Variants in TBRG1 observed in about 807,000 individuals in gnomAD.
TBRG1 encodes the protein transforming growth factor beta regulator 1.
In TBRG1, 31 loss-of-function variants were observed where a neutral mutation model predicts 44.0. That is an observed-to-expected ratio of 0.70 (90% CI 0.53 to 0.95). The LOEUF (loss-of-function observed/expected upper bound fraction) is 0.95. Among genes scored for constraint, TBRG1 ranks in the 40% least tolerant of loss-of-function variants. The pLI is 0.00. For synonymous variants in TBRG1, 171 were observed against 188.1 expected, an observed-to-expected ratio of 0.91 and a Z score of 0.74; for missense variants, 487 against 496.1, an observed-to-expected ratio of 0.98 and a Z score of 0.18.
chr11:124,632,015 G>GGA (rs1482253253), intron 8 of TBRG1, 78 bp from the exon 9 acceptor site: 1 of 1,256,286 alleles, frequency 8.0e-7, no homozygotes, highest in African/African-American at 1.5e-5. Context: ...TTGATTGAAA[G>GGA]GACATGTATA....
chr11:124,628,077 A>G (rs1942513750), intron 5 of TBRG1, among the ~76,000 whole-genome samples: 1 of 45,726 alleles, frequency 2.2e-5, no homozygotes, highest in Non-Finnish European at 3.7e-5. Context: ...ATATATATAT[A>G]TATATATATA....
rs944080827 is a variant in TBRG1 at position 124,634,386 on chromosome 11, T to C, written c.*2148T>C. The stretch of plus-strand genomic sequence containing the variant: ...AAACACTGCCTTAGTATACTTAAAC[T>C]ATCTTTTCATCTATCAGATTGTTAA... On this transcript the variant is annotated 3_prime_UTR_variant, in exon 9 of 9. Coordinates refer to ENST00000441174, the MANE Select transcript of TBRG1 (RefSeq NM_032811.3). 6.6e-6 allele frequency: 1 copy of C among 152,176 alleles called. No homozygotes were observed. Among genetic ancestry groups the C allele is most frequent in the African/African-American group, 2.4e-5 (1 of 41,422 alleles). 9.4% of individuals were successfully genotyped at this position (152,176 alleles called of 1,614,324 possible). A position where few individuals can be genotyped will look rare whatever the true frequency, so the allele number is the denominator to read the frequency against.
chr11:124,632,348 C>T lies in TBRG1; in HGVS notation c.*110C>T, dbSNP rs1256255615. 5.6e-6 allele frequency: 5 copies of T among 892,250 alleles called. No individual in the cohort carries two copies. Among genetic ancestry groups the T allele is most frequent in the South Asian group, 3.4e-5 (2 of 58,472 alleles). 55.3% of individuals were successfully genotyped at this position (892,250 alleles called of 1,614,324 possible). On this transcript the variant is annotated 3_prime_UTR_variant, in exon 9 of 9. Transcript: ENST00000441174. Reference sequence around the variant, plus strand: ...AATTCAGAAGTAAAGAAGATACTAACGTATTTCATCATGGAAGGTCCTGTG... The same window carrying T: ...AATTCAGAAGTAAAGAAGATACTAATGTATTTCATCATGGAAGGTCCTGTG...
At chr11:124,628,110 TATATATACACACACACAC>T (rs1175826768) in intron 5 of TBRG1, among the ~76,000 whole-genome samples, 7 of 53,120 alleles carry the variant, frequency 1.3e-4, no homozygotes, top group African/African-American at 4.9e-4. Context: ...TATATATATA[TATATATACACACACACAC>T]ACACACACAC....
Position 124,631,279 on chromosome 11 carries a change from C to T in TBRG1, c.952C>T (p.Gln318Ter). 1.3e-6 allele frequency: 2 copies of T among 1,576,912 alleles called. No homozygotes were observed. Among genetic ancestry groups the T allele is most frequent in the Non-Finnish European group, 1.7e-6 (2 of 1,162,526 alleles). ...CPGARKCINY[Q>*]WVKFDVCKPG... The stretch of plus-strand genomic sequence containing the variant: ...TGATTTCCCTTGATTCTGCAGTTAC[C>T]AGTGGGTGAAATTTGATGTGTGCAA... The change falls in exon 8 of 9, where the codon CAG (glutamine) becomes TAG (stop). Residue 318 changes from glutamine to a stop codon, truncating the protein, a stop_gained. Transcript: ENST00000441174. LOFTEE classifies it high-confidence loss of function.
Position 124,632,815 on chromosome 11 carries a change from C to G in TBRG1, c.*577C>G, listed in dbSNP as rs1464823748. ...CCTAATCACCTCCCAAAGGCCCCAC[C>G]TCCCAATACCATCACATTAGGGGTT... On this transcript the variant is annotated 3_prime_UTR_variant, in exon 9 of 9. Coordinates refer to ENST00000441174, the MANE Select transcript of TBRG1 (RefSeq NM_032811.3). The G allele has an allele frequency of 2.0e-5, 3 of 152,366 alleles. No homozygotes were observed. Among genetic ancestry groups the G allele is most frequent in the African/African-American group, 7.2e-5 (3 of 41,422 alleles). The allele number at this position is 152,366 out of a possible 1,614,324, so 9.4% of individuals were successfully genotyped here.
intron 5 of TBRG1, among the ~76,000 whole-genome samples, chr11:124,629,364 AAAG>A (rs1394519289): frequency 1.3e-5 from 2 of 152,156 alleles, no homozygotes; most frequent in African/African-American, 4.8e-5. Flanking sequence ...AGAAAAAAGA[AAAG>A]AAATTAATTG....
intron 5 of TBRG1, among the ~76,000 whole-genome samples, chr11:124,629,726 A>G: frequency 6.6e-6 from 1 of 152,238 alleles, no homozygotes; most frequent in Non-Finnish European, 1.5e-5. Context: ...TTGAAGAACT[A>G]GAAACTGTTT....
chr11:124,631,520 A>T (rs552110110), intron 8 of TBRG1, 103 bp downstream of exon 8: 2 of 1,260,788 alleles, frequency 1.6e-6, no homozygotes, highest in Admixed American at 3.5e-5. Context: ...GCATTGAGTG[A>T]TAAAAGCTTT....
chr11:124,631,694 GA>G, intron 8 of TBRG1: 1 of 498,468 alleles, frequency 2.0e-6, no homozygotes, highest in Non-Finnish European at 3.6e-6. Context: ...GACTGGAGCA[GA>G]ACACCAGGGG....
In TBRG1 at chr11:124,622,899, C is replaced by T. The variant is rs1264767650; in HGVS notation, c.-185C>T. 2.8e-5 allele frequency: 17 copies of T among 614,602 alleles called. No individual in the cohort carries two copies. Among genetic ancestry groups the T allele is most frequent in the East Asian group, 5.9e-5 (2 of 33,686 alleles). 38.1% of individuals were successfully genotyped at this position (614,602 alleles called of 1,614,324 possible). ...CAGACACGGAAGTGCTGGGAGGCGC[C>T]GGGAGCCCGTTCGGTTGCGGGTGTC... On this transcript the variant is annotated 5_prime_UTR_variant, in exon 1 of 9. Transcript: ENST00000441174.
At position 124,635,228 on chromosome 11, in the gene TBRG1, C is replaced by G. The variant is rs1337343461; in HGVS notation, c.*2990C>G. 2 of 152,180 alleles carry G rather than the reference C, an allele frequency of 1.3e-5. No homozygotes were observed. Among genetic ancestry groups the G allele is most frequent in the Non-Finnish European group, 2.9e-5 (2 of 68,058 alleles). 9.4% of individuals were successfully genotyped at this position (152,180 alleles called of 1,614,324 possible). On this transcript the variant is annotated 3_prime_UTR_variant, in exon 9 of 9. Transcript: ENST00000441174. ...CTTTTTCTCAGGCATCAATCTGTTACAAGGTTCATGGTTTCTATGGGGCCA... is the reference window on the plus strand; with the variant it reads ...CTTTTTCTCAGGCATCAATCTGTTAGAAGGTTCATGGTTTCTATGGGGCCA...
intron 8 of TBRG1, 79 bp from the exon 9 acceptor site, chr11:124,632,014 A>G: frequency 7.2e-6 from 9 of 1,247,430 alleles, no homozygotes; most frequent in Non-Finnish European, 9.2e-6. Context: ...ATTGATTGAA[A>G]GGACATGTAT....
chr11:124,632,405 G>T lies in TBRG1; in HGVS notation c.*167G>T. 4.1e-6 allele frequency: 2 copies of T among 490,152 alleles called. No homozygotes were observed. The highest frequency in any genetic ancestry group is 3.7e-5 in the Admixed American group (1 of 27,370). 30.4% of individuals were successfully genotyped at this position (490,152 alleles called of 1,614,324 possible). A position where few individuals can be genotyped will look rare whatever the true frequency, so the allele number is the denominator to read the frequency against. On this transcript the variant is annotated 3_prime_UTR_variant, in exon 9 of 9. Transcript: ENST00000441174. The stretch of plus-strand genomic sequence containing the variant: ...GTTTTCCCTGGGAAAACCTTCAGCT[G>T]CTTTATTTTTAGTAATAAATTTCTC...
chr11:124,624,134 C>G (rs544304610), intron 1 of TBRG1, among the ~76,000 whole-genome samples: 7 of 152,300 alleles, frequency 4.6e-5, no homozygotes, highest in Non-Finnish European at 8.8e-5. Flanking sequence ...AACTTAGCAT[C>G]TGATTGACTG....
At position 124,625,714 on chromosome 11, in the gene TBRG1, G is replaced by A; in HGVS notation, c.265G>A (p.Gly89Arg). The A allele has an allele frequency of 1.3e-6, 2 of 1,554,782 alleles. No individual in the cohort carries two copies. Among genetic ancestry groups the A allele is most frequent in the African/African-American group, 1.4e-5 (1 of 73,372 alleles). ...CCTCCAGCTTCAGGCTCTAACTGAA[G>A]GGGAAGTACAGGCTGCAGCTCCTTC... ...KLLQLQALTE[G>R]EVQAAAPSHS... The change falls in exon 3 of 9, where the codon GGG (glycine) becomes AGG (arginine). Residue 89 changes from glycine to arginine, a missense_variant. Transcript: ENST00000441174.
chr11:124,632,120 C>G lies in TBRG1; in HGVS notation c.1118C>G (p.Pro373Arg). 6.2e-7 allele frequency: 1 copy of G among 1,613,702 alleles called. No homozygotes were observed. The highest frequency in any genetic ancestry group is 1.3e-5 in the African/African-American group (1 of 75,032). The change falls in exon 9 of 9, where the codon CCT (proline) becomes CGT (arginine). Residue 373 changes from proline to arginine, a missense_variant. Pro to Arg is a moderately radical substitution (Grantham distance 103). Transcript: ENST00000441174. ...PGSLDLPELQ[P>R]AAFVSSYQPM... ...TCCTTGGACCTCCCAGAGCTTCAGC[C>G]TGCAGCCTTTGTGTCTTCTTACCAG...
At position 124,633,495 on chromosome 11, in the gene TBRG1, C is replaced by T. The variant is rs954221587; in HGVS notation, c.*1257C>T. On this transcript the variant is annotated 3_prime_UTR_variant, in exon 9 of 9. Transcript: ENST00000441174. ...ATTGAATGGTTAATGCACTGCCATT[C>T]ATAATTGCCAATTGAGGACAACACA... The T allele has an allele frequency of 6.6e-6, 1 of 152,202 alleles. No individual in the cohort carries two copies. Among genetic ancestry groups the T allele is most frequent in the African/African-American group, 2.4e-5 (1 of 41,436 alleles). The allele number at this position is 152,202 out of a possible 1,614,324, so 9.4% of individuals were successfully genotyped here. A position where few individuals can be genotyped will look rare whatever the true frequency, so the allele number is the denominator to read the frequency against.
intron 8 of TBRG1, 198 bp downstream of exon 8, chr11:124,631,615 G>A: frequency 1.6e-6 from 1 of 620,696 alleles, no homozygotes; most frequent in East Asian, 2.8e-5. Context: ...ATGTCATGGG[G>A]AGCACCTGCG....
Sources: allele counts gnomAD v4.1 joint callset (sites outside exome capture counted in the v4.1 genomes callset), GRCh38; gene constraint gnomAD v4.1.1; transcripts MANE v1.5; gene names NCBI Gene and HGNC (gene_info 2026-07-23, HGNC 2026-07-21).